The following EPHA6 variants were observed in gnomAD, a reference collection of about 807,000 sequenced individuals.
The protein encoded by EPHA6 is ephrin type-A receptor 6.
A neutral mutation model predicts 112.0 loss-of-function variants in EPHA6; 50 were observed. The ratio of observed to expected loss-of-function variants is 0.45; its 90% confidence interval spans 0.36 to 0.56. The LOEUF is 0.56. EPHA6 is among the 20% of genes least tolerant of loss of function. The pLI is 0.00. For synonymous variants in EPHA6, 529 were observed against 490.7 expected (o/e 1.08, Z -1.03); for missense variants, 1,280 against 1,417.4 (o/e 0.90, Z 1.56).
intron 5 of EPHA6, among the ~76,000 whole-genome samples, chr3:97,247,103 A>T (rs1576762974): frequency 6.6e-6 from 1 of 152,016 alleles, no homozygotes; most frequent in East Asian, 1.9e-4. Context: ...CCATCACTCC[A>T]CTTGGAGTAT....
chr3:96,928,302 C>T (rs2040143884), intron 2 of EPHA6, among the ~76,000 whole-genome samples: 2 of 152,302 alleles, frequency 1.3e-5, no homozygotes, highest in East Asian at 1.9e-4. Context: ...TTAGCTGCAT[C>T]CCAGAGATTC....
chr3:97,583,400 G>T lies in EPHA6; in HGVS notation c.2387-9212G>T, dbSNP rs113775870. ...TAAAAATACAAAAAATTAGCTGAGC[G>T]TGGTGGTGGGCGCCTGTAGTCCCAG... On this transcript the variant is annotated intron_variant, in intron 11 of 17. Coordinates refer to ENST00000389672, the MANE Select transcript of EPHA6 (RefSeq NM_001080448.3). Among the ~76,000 whole-genome samples the T allele has an allele frequency of 7.4e-3, 1,119 of 152,086 alleles. 12 individuals carry two copies. The highest frequency in any genetic ancestry group is 0.02 in the African/African-American group (838 of 41,494).
intron 11 of EPHA6, among the ~76,000 whole-genome samples, chr3:97,542,939 GTTGT>G (rs2107680951): frequency 2.0e-5 from 3 of 152,264 alleles, no homozygotes; most frequent in African/African-American, 7.2e-5. Context: ...TTTTGATGGG[GTTGT>G]TTGATTTTTT....
chr3:97,020,425 C>G (rs971379731), intron 3 of EPHA6, among the ~76,000 whole-genome samples: 2 of 152,150 alleles, frequency 1.3e-5, no homozygotes, highest in African/African-American at 4.8e-5. Context: ...AATAATATTT[C>G]TAGGGCAGTC....
intron 11 of EPHA6, among the ~76,000 whole-genome samples, chr3:97,542,159 G>A (rs144150426): frequency 4.0e-5 from 6 of 151,150 alleles, no homozygotes; most frequent in Non-Finnish European, 7.4e-5. Context: ...TGTTACATAC[G>A]TATACATGTG....
intron 10 of EPHA6, among the ~76,000 whole-genome samples, chr3:97,499,605 T>C (rs1172677042): frequency 6.6e-6 from 1 of 152,140 alleles, no homozygotes; most frequent in Non-Finnish European, 1.5e-5. Context: ...GTATAGCCTA[T>C]TCCTTCTAGG....
chr3:96,889,699 T>G (rs1171089138), intron 2 of EPHA6, among the ~76,000 whole-genome samples: 1 of 152,098 alleles, frequency 6.6e-6, no homozygotes, highest in Non-Finnish European at 1.5e-5. Flanking sequence ...CTTCCAAAAT[T>G]GTATGCAAAT....
At chr3:97,312,758 C>T (rs1239428225) in intron 5 of EPHA6, among the ~76,000 whole-genome samples, 1 of 149,060 alleles carries the variant, frequency 6.7e-6, no homozygotes, top group Non-Finnish European at 1.5e-5. Flanking sequence ...GTTTTTTTTT[C>T]TCTAATATTC....
intron 14 of EPHA6, among the ~76,000 whole-genome samples, chr3:97,675,572 A>C (rs963840949): frequency 1.2e-4 from 18 of 152,162 alleles, no homozygotes; most frequent in African/African-American, 4.3e-4. Flanking sequence ...TTAAAAGACC[A>C]ATACCTAACT....
At chr3:97,507,228 A>G (rs2092271465) in intron 10 of EPHA6, among the ~76,000 whole-genome samples, 1 of 152,054 alleles carries the variant, frequency 6.6e-6, no homozygotes, top group South Asian at 2.1e-4. Flanking sequence ...GAGAGGGCAT[A>G]CTTGTCTTGT....
chr3:97,617,079 A>G (rs1232074834), intron 13 of EPHA6, among the ~76,000 whole-genome samples: 2 of 152,130 alleles, frequency 1.3e-5, no homozygotes, highest in East Asian at 3.9e-4. Context: ...CTAACAGAGA[A>G]CCTTTTAGCA....
intron 5 of EPHA6, among the ~76,000 whole-genome samples, chr3:97,267,066 T>C (rs1306778422): frequency 6.6e-6 from 1 of 152,168 alleles, no homozygotes; most frequent in Admixed American, 6.5e-5. Context: ...GTGAGTTTAA[T>C]CTGCTTTTAA....
chr3:97,360,100 T>C (rs1281942174), intron 5 of EPHA6, among the ~76,000 whole-genome samples: 1 of 152,168 alleles, frequency 6.6e-6, no homozygotes, highest in Non-Finnish European at 1.5e-5. Context: ...GTTCCTGATA[T>C]TTGGAGGGCA....
intron 5 of EPHA6, among the ~76,000 whole-genome samples, chr3:97,367,572 A>AT (rs554016364): frequency 0.014 from 2,120 of 147,846 alleles, 48 homozygotes; most frequent in African/African-American, 0.047. Context: ...GTTTTTATTT[A>AT]TTTTTTTTTT....
chr3:97,195,725 T>C (rs971018926), intron 3 of EPHA6, among the ~76,000 whole-genome samples: 1 of 152,040 alleles, frequency 6.6e-6, no homozygotes, highest in African/African-American at 2.4e-5. Flanking sequence ...GTCTTTATTT[T>C]TCTCCATATT....
chr3:97,325,360 C>G (rs1018118341), intron 5 of EPHA6, among the ~76,000 whole-genome samples: 1 of 152,060 alleles, frequency 6.6e-6, no homozygotes, highest in African/African-American at 2.4e-5. Context: ...TCACTGTGTC[C>G]TCACTGGTCT....
At chr3:97,505,463 T>C (rs1191957076) in intron 10 of EPHA6, among the ~76,000 whole-genome samples, 2 of 152,094 alleles carry the variant, frequency 1.3e-5, no homozygotes, top group African/African-American at 2.4e-5. Flanking sequence ...CCTGTGTTAG[T>C]TTGCTGAGAA....
rs564664308 is a variant in EPHA6, at chr3:97,759,996, C to T, written c.*11295C>T. 1.1e-5 allele frequency: 2 copies of T among 187,376 alleles called. No individual in the cohort carries two copies. The highest frequency in any genetic ancestry group is 2.3e-5 in the African/African-American group (1 of 42,850). The allele number at this position is 187,376 out of a possible 1,614,324, so 11.6% of individuals were successfully genotyped here. ...CTGTTTTCCTTATTTTCATCTATTA[C>T]AGATTAAAAGGCAGAAACATTTTGT... On this transcript the variant is annotated 3_prime_UTR_variant, in exon 18 of 18. Transcript: ENST00000389672.
At chr3:97,353,266 G>C (rs1329642793) in intron 5 of EPHA6, among the ~76,000 whole-genome samples, 1 of 151,588 alleles carries the variant, frequency 6.6e-6, no homozygotes, top group Admixed American at 6.6e-5. Context: ...GGAAAGGAGA[G>C]GGAAGAGTAA....
Sources: gnomAD v4.1 joint callset for allele counts (sites outside exome capture counted in the v4.1 genomes callset) on GRCh38, gnomAD v4.1.1 for gene constraint, MANE v1.5 for transcripts, NCBI Gene and HGNC (gene_info 2026-07-23, HGNC 2026-07-21) for gene names.